PDZD9: variants seen among roughly 807,000 people sequenced by gnomAD.
PDZD9 encodes the protein PDZ domain containing 9.
Under a neutral mutation model 16.3 loss-of-function variants are expected in PDZD9, and 13 were observed. That is an observed-to-expected ratio of 0.80 (90% confidence interval 0.52 to 1.27). The LOEUF (loss-of-function observed/expected upper bound fraction) is 1.27, where lower values mean the gene tolerates loss of function less well. Among genes scored for constraint, PDZD9 ranks in the 50% most tolerant of loss-of-function variants. PDZD9 has a pLI of 0.00. For synonymous variants in PDZD9, 120 were observed against 111.0 expected, an observed-to-expected ratio of 1.08 and a Z score of -0.51; for missense variants, 288 against 310.9, an observed-to-expected ratio of 0.93 and a Z score of 0.55.
the PDZD9 span, chr16:21,968,644 A>G: frequency 3.1e-6 from 5 of 1,609,632 alleles, no homozygotes; most frequent in African/African-American, 4.0e-5. Context: ...TACTTCGTTC[A>G]GAACCATTTC....
chr16:21,971,862 G>A, the PDZD9 span: 1 of 1,603,712 alleles, frequency 6.2e-7, no homozygotes, highest in South Asian at 1.1e-5. Flanking sequence ...AAATACTGGA[G>A]AATGAAACCA....
chr16:21,962,663 AC>A, the PDZD9 span: 1 of 1,596,204 alleles, frequency 6.3e-7, no homozygotes, highest in Non-Finnish European at 8.6e-7. Flanking sequence ...TTACCACAAG[AC>A]CTAAAGTTTC....
intron 2 of PDZD9, among the ~76,000 whole-genome samples, chr16:21,992,097 C>T (rs547860633): frequency 6.6e-6 from 1 of 152,260 alleles, no homozygotes; most frequent in South Asian, 2.1e-4. Context: ...GGTGAAGTGG[C>T]TCATGCCTGT....
chr16:21,958,661 C>A, the PDZD9 span: 1 of 1,441,500 alleles, frequency 6.9e-7, no homozygotes. Flanking sequence ...TTTAAGGGAA[C>A]TTTTCTCTGT....
the PDZD9 span, chr16:21,962,949 A>C: frequency 3.9e-6 from 6 of 1,528,470 alleles, no homozygotes; most frequent in South Asian, 6.4e-5. Flanking sequence ...ATCAATTTAT[A>C]GAAGAAAAAA....
At chr16:21,962,677 A>G in the PDZD9 span, 4 of 1,601,044 alleles carry the variant, frequency 2.5e-6, no homozygotes, top group Non-Finnish European at 3.4e-6. Context: ...AAAGTTTCAC[A>G]TTGAGAGCAT....
downstream of PDZD9, chr16:21,980,826 G>A (rs1210317389): frequency 2.6e-5 from 29 of 1,129,300 alleles, no homozygotes; most frequent in Admixed American, 5.5e-5. Flanking sequence ...TCTACTTAAT[G>A]TGGAGGCAGG....
intron 3 of PDZD9, 97 bp from the exon 4 acceptor site, chr16:21,984,757 A>G (rs1898834265): frequency 1.6e-5 from 15 of 931,468 alleles, no homozygotes; most frequent in Non-Finnish European, 2.2e-5. Flanking sequence ...GACTCATAAA[A>G]GATACAATTT....
chr16:21,992,929 G>A (rs147511040), intron 2 of PDZD9, among the ~76,000 whole-genome samples: 141 of 152,260 alleles, frequency 9.3e-4, no homozygotes, highest in Non-Finnish European at 1.5e-3. Context: ...ATGCTGTCAT[G>A]ATAGTGAGTG....
At chr16:21,977,606 G>A in the PDZD9 span, among the ~76,000 whole-genome samples, 2 of 152,134 alleles carry the variant, frequency 1.3e-5, no homozygotes, top group African/African-American at 2.4e-5. Flanking sequence ...TTAGTAGTTC[G>A]AGGGTTTCTC....
the PDZD9 span, chr16:21,968,508 C>T: frequency 2.6e-6 from 2 of 777,454 alleles, no homozygotes; most frequent in Non-Finnish European, 3.9e-6. Flanking sequence ...CCTTGTAGTT[C>T]ATTACAGCAA....
chr16:21,965,314 C>A, the PDZD9 span: 2 of 1,223,662 alleles, frequency 1.6e-6, no homozygotes, highest in East Asian at 2.5e-5. Flanking sequence ...CAGAAGATGA[C>A]CAAATTTGTA....
At chr16:21,980,709 A>G (rs1308081968), downstream of PDZD9, 2 of 1,611,584 alleles carry the variant, frequency 1.2e-6, no homozygotes, top group South Asian at 1.1e-5. Context: ...ATGTAAGTAA[A>G]TGAAAACTTA....
chr16:21,971,889 T>A, the PDZD9 span: 1 of 1,611,158 alleles, frequency 6.2e-7, no homozygotes, highest in Non-Finnish European at 8.5e-7. Flanking sequence ...AACAAGCCAT[T>A]TTCTTCTTCC....
At chr16:21,971,981 T>C in the PDZD9 span, 4 of 1,614,174 alleles carry the variant, frequency 2.5e-6, no homozygotes, top group Admixed American at 1.7e-5. Context: ...TAGCAGAAAG[T>C]GCTGTCGCGG....
chr16:21,982,895 C>T (rs1009095109), downstream of PDZD9, among the ~76,000 whole-genome samples: 1 of 144,348 alleles, frequency 6.9e-6, no homozygotes, highest in African/African-American at 2.6e-5. Flanking sequence ...ACCTGGGAGG[C>T]GGAGGCTGCA....
At chr16:21,973,815 T>G in the PDZD9 span, 1 of 1,376,678 alleles carries the variant, frequency 7.3e-7, no homozygotes, top group Non-Finnish European at 1.0e-6. Flanking sequence ...AAGGTCCAAG[T>G]TTTTTCTAGG....
At chr16:21,980,637 T>A, downstream of PDZD9, 1 of 1,614,228 alleles carries the variant, frequency 6.2e-7, no homozygotes, top group South Asian at 1.1e-5. Flanking sequence ...TTGCTGGTTC[T>A]TACATGCCAC....
downstream of PDZD9, chr16:21,980,451 A>C (rs1898690385): frequency 1.5e-6 from 2 of 1,341,076 alleles, no homozygotes; most frequent in African/African-American, 2.9e-5. Flanking sequence ...CTATCCATTA[A>C]ATAAAGCTTT....
Sources: gnomAD v4.1 joint callset for allele counts (sites outside exome capture counted in the v4.1 genomes callset) on GRCh38, gnomAD v4.1.1 for gene constraint, MANE v1.5 for transcripts, NCBI Gene and HGNC (gene_info 2026-07-23, HGNC 2026-07-21) for gene names.